The following CFAP251 variants were observed in gnomAD, a reference collection of about 807,000 sequenced individuals.
The protein encoded by CFAP251 is cilia- and flagella-associated protein 251.
A neutral mutation model predicts 126.7 loss-of-function variants in CFAP251; 93 were observed. The ratio of observed to expected loss-of-function variants is 0.73; its 90% CI spans 0.62 to 0.87. The LOEUF (loss-of-function observed/expected upper bound fraction) is 0.87. CFAP251 is among the 40% of genes least tolerant of loss of function. The probability of loss-of-function intolerance (pLI) is 0.00; values close to 1 mark genes in which losing one functional copy is unlikely to be tolerated. For synonymous variants in CFAP251, 503 were observed against 506.9 expected (o/e 0.99, Z 0.10); for missense variants, 1,287 against 1,389.2 (o/e 0.93, Z 1.17).
At chr12:121,980,574 C>T (rs1043032125) in intron 19 of CFAP251, among the ~76,000 whole-genome samples, 3 of 152,070 alleles carry the variant, frequency 2.0e-5, no homozygotes, top group African/African-American at 7.2e-5. Context: ...TCTCAAACTC[C>T]TGAGCTCGAG....
At chr12:121,955,691 C>A (rs1221243063) in intron 10 of CFAP251, 1 of 152,102 alleles carries the variant, frequency 6.6e-6, no homozygotes, top group Admixed American at 6.6e-5. Context: ...GCCTTTCTTT[C>A]GATGCAGGGG....
chr12:121,923,849 G>A lies in CFAP251; in HGVS notation c.606G>A (p.Glu202=), dbSNP rs769129905. 6.2e-7 allele frequency: 1 copy of A among 1,614,160 alleles called. No homozygotes were observed. The highest frequency in any genetic ancestry group is 8.5e-7 in the Non-Finnish European group (1 of 1,180,046). ...DELGQERRDL[E]PENREEGQER... is the part of the protein sequence containing the mutation. ...TGGGACAAGAAAGAAGGGACTTGGA[G>A]CCAGAAAACAGAGAGGAGGGACAAG... The change falls in exon 3 of 22, where the codon GAG becomes GAA. Residue 202 remains glutamate (E), a synonymous_variant. Transcript: ENST00000288912.
chr12:121,927,084 G>A (rs994570243), intron 3 of CFAP251, among the ~76,000 whole-genome samples: 14 of 152,120 alleles, frequency 9.2e-5, no homozygotes, highest in African/African-American at 3.4e-4. Context: ...GCCACAGTTG[G>A]CTGTGACTGC....
At chr12:121,958,245 A>G (rs1364911334) in intron 11 of CFAP251, 27 bp from the exon 12 acceptor site, 1 of 1,612,282 alleles carries the variant, frequency 6.2e-7, no homozygotes, top group Non-Finnish European at 8.5e-7. Context: ...AAACACTGAT[A>G]TTGTTTGGTC....
chr12:121,971,438 A>T, intron 17 of CFAP251: 1 of 674,558 alleles, frequency 1.5e-6, no homozygotes, highest in Non-Finnish European at 2.7e-6. Context: ...AGAAAGGTGT[A>T]GGAGTGTGCT....
intron 3 of CFAP251, among the ~76,000 whole-genome samples, chr12:121,928,453 C>T (rs921242759): frequency 5.9e-5 from 9 of 151,558 alleles, no homozygotes; most frequent in African/African-American, 1.9e-4. Context: ...CTATGTCTGT[C>T]TTGGGGAGAA....
At position 121,921,497 on chromosome 12, in the gene CFAP251, G is replaced by GGAGGAGAAAGAGGAA. The variant is rs1427160271; in HGVS notation, c.196_197insAGAAAGAGGAAGAGG (p.Glu65_Gly66insGluLysGluGluGlu). 6.2e-7 allele frequency: 1 copy of GGAGGAGAAAGAGGAA among 1,613,276 alleles called. No individual in the cohort carries two copies. Among genetic ancestry groups the GGAGGAGAAAGAGGAA allele is most frequent in the South Asian group, 1.1e-5 (1 of 90,986 alleles). On this transcript the variant is annotated inframe_insertion, in exon 2 of 22. Coordinates refer to ENST00000288912, the MANE Select transcript of CFAP251 (RefSeq NM_144668.6). ...AAACGGGCGAGGAGGAAGGGGAGGA[G>GGAGGAGAAAGAGGAA]GAGGGGAAGGAGGACAAAAAGATTG... is the stretch of plus-strand genomic sequence containing the variant.
chr12:121,968,824 C>G, intron 17 of CFAP251: 1 of 918,256 alleles, frequency 1.1e-6, no homozygotes, highest in African/African-American at 1.8e-5. Flanking sequence ...GGGAAAAGCA[C>G]CTAGTACAGA....
At chr12:121,977,432 G>A (rs959623515) in intron 19 of CFAP251, among the ~76,000 whole-genome samples, 4 of 152,186 alleles carry the variant, frequency 2.6e-5, no homozygotes, top group African/African-American at 9.7e-5. Flanking sequence ...GCTTAGGTGG[G>A]TGGATCACCT....
intron 5 of CFAP251, among the ~76,000 whole-genome samples, chr12:121,938,459 C>G (rs1405920475): frequency 6.6e-6 from 1 of 151,156 alleles, no homozygotes; most frequent in Non-Finnish European, 1.5e-5. Flanking sequence ...GTAGCTGGGA[C>G]CACAGGTGTA....
Position 121,938,221 on chromosome 12 carries a change from G to A in CFAP251, c.998+3865G>A, listed in dbSNP as rs146657840. ...AGGGTCCTGCTATGTTGCCCAAGCT[G>A]GTCTCGAACTCCTAGGCACAAGTGA... On this transcript the variant is annotated intron_variant, in intron 5 of 21. Transcript: ENST00000288912. Among the ~76,000 whole-genome samples, 1,221 of 151,688 alleles carry A rather than the reference G, an allele frequency of 8.0e-3. 6 individuals are homozygous for A. The highest frequency in any genetic ancestry group is 0.013 in the Non-Finnish European group (889 of 67,898).
At chr12:121,939,366 G>A (rs927326979) in intron 5 of CFAP251, among the ~76,000 whole-genome samples, 1 of 152,082 alleles carries the variant, frequency 6.6e-6, no homozygotes, top group African/African-American at 2.4e-5. Flanking sequence ...TCAGCTGCAA[G>A]TACTGGCACA....
chr12:121,969,718 G>A, intron 17 of CFAP251: 2 of 971,844 alleles, frequency 2.1e-6, no homozygotes, highest in Non-Finnish European at 1.2e-6. Context: ...GAACTCATGG[G>A]CTCAAGCCTT....
chr12:121,956,346 CAGGGA>C (rs1881727349), intron 10 of CFAP251, among the ~76,000 whole-genome samples: 1 of 152,110 alleles, frequency 6.6e-6, no homozygotes, highest in Non-Finnish European at 1.5e-5. Flanking sequence ...TCTTGGAGGG[CAGGGA>C]AGAACTAGCA....
At chr12:121,959,949 CA>C (rs879285899) in intron 13 of CFAP251, among the ~76,000 whole-genome samples, 5 of 144,930 alleles carry the variant, frequency 3.4e-5, no homozygotes, top group African/African-American at 1.3e-4. Context: ...CATGGTGAGA[CA>C]CCCCCCATCT....
At chr12:121,983,519 A>G (rs1438185390) in intron 19 of CFAP251, among the ~76,000 whole-genome samples, 4 of 152,076 alleles carry the variant, frequency 2.6e-5, no homozygotes, top group Non-Finnish European at 4.4e-5. Flanking sequence ...AAGAAAAGGT[A>G]TCCGGAAAAA....
At chr12:121,966,094 CAG>C (rs1299381529) in intron 15 of CFAP251, among the ~76,000 whole-genome samples, 1 of 149,620 alleles carries the variant, frequency 6.7e-6, no homozygotes, top group Non-Finnish European at 1.5e-5. Context: ...TGCCCATGAC[CAG>C]AGTCTTAAAA....
chr12:121,961,959 C>T lies in CFAP251; in HGVS notation c.2308-19C>T. 2.5e-6 allele frequency: 4 copies of T among 1,609,608 alleles called. No individual in the cohort carries two copies. Among genetic ancestry groups the T allele is most frequent in the Non-Finnish European group, 3.4e-6 (4 of 1,178,348 alleles). On this transcript the variant is annotated intron_variant, in intron 14 of 21. Transcript: ENST00000288912. ...ATTTGGCTTGGTCCTCATGTGTGTC[C>T]ATCTGGGCTCCTCTGCAGATAGAGT... is the stretch of plus-strand genomic sequence containing the variant.
chr12:121,938,703 C>T (rs1032291367), intron 5 of CFAP251, among the ~76,000 whole-genome samples: 1 of 150,332 alleles, frequency 6.7e-6, no homozygotes, highest in Admixed American at 6.6e-5. Context: ...GAAAACCAGG[C>T]CGGGCATGGT....
Sources: allele counts gnomAD v4.1 joint callset (sites outside exome capture counted in the v4.1 genomes callset), GRCh38; gene constraint gnomAD v4.1.1; transcripts MANE v1.5; gene names NCBI Gene and HGNC (gene_info 2026-07-23, HGNC 2026-07-21).